Variants in CCDC174 observed in about 807,000 individuals in gnomAD.
CCDC174 encodes coiled-coil domain containing 174.
Under a neutral mutation model 57.1 loss-of-function variants are expected in CCDC174, and 37 were observed. The ratio of observed to expected loss-of-function variants is 0.65; its 90% confidence interval spans 0.50 to 0.85. CCDC174 has a LOEUF of 0.85. Among genes scored for constraint, CCDC174 ranks in the 40% least tolerant of loss-of-function variants. The pLI, the probability that CCDC174 is intolerant of heterozygous loss-of-function variation, is 0.00. For missense variants in CCDC174, 540 were observed against 574.3 expected (o/e 0.94, Z 0.61); for synonymous variants, 182 against 190.2 (o/e 0.96, Z 0.35).
chr3:14,656,892 A>G lies in CCDC174; in HGVS notation c.248+1263A>G, dbSNP rs1201651274. Among the ~76,000 whole-genome samples, 3 of 152,314 alleles carry G rather than the reference A, an allele frequency of 2.0e-5. 1 individual carries two copies. In the East Asian group the frequency reaches 5.8e-4, roughly 29 times the overall value. ...CATGTGCTTTTGGATATATGGAATA[A>G]TAAAATTCTGTGGTCCCAAACAGTA... is the stretch of plus-strand genomic sequence containing the variant. On this transcript the variant is annotated intron_variant, in intron 3 of 10. Coordinates refer to ENST00000383794, the MANE Select transcript of CCDC174 (RefSeq NM_016474.5).
At chr3:14,664,959 C>G (rs2031266987) in intron 5 of CCDC174, 69 bp from the exon 6 acceptor site, 2 of 1,124,524 alleles carry the variant, frequency 1.8e-6, no homozygotes, top group Non-Finnish European at 2.7e-6. Flanking sequence ...CACTGTTCAC[C>G]TACTCCCTGA....
chr3:14,666,138 A>G (rs2031331328), intron 6 of CCDC174, among the ~76,000 whole-genome samples: 1 of 151,756 alleles, frequency 6.6e-6, no homozygotes, highest in Non-Finnish European at 1.5e-5. Flanking sequence ...CACTCAGGCC[A>G]CAGTGCTAAG....
chr3:14,655,265 C>A (rs190775599), intron 2 of CCDC174, among the ~76,000 whole-genome samples: 2 of 151,612 alleles, frequency 1.3e-5, no homozygotes, highest in Non-Finnish European at 2.9e-5. Flanking sequence ...GAGCTGAGAT[C>A]GCACCACCAC....
In CCDC174 at chr3:14,670,936, C is replaced by G; in HGVS notation, c.1146C>G (p.Leu382=). The G allele has an allele frequency of 6.2e-7, 1 of 1,613,664 alleles. No homozygotes were observed. The highest frequency in any genetic ancestry group is 8.5e-7 in the Non-Finnish European group (1 of 1,179,582). The part of the protein sequence containing the change: ...FGYWSKRQSD[L]RAERDPEFAP... Reference sequence around the variant, plus strand: ...ACTGGTCGAAGAGGCAGTCAGATCTCCGGGCTGAGAGAGATCCTGAGTTTG... The same window carrying G: ...ACTGGTCGAAGAGGCAGTCAGATCTGCGGGCTGAGAGAGATCCTGAGTTTG... The change falls in exon 11 of 11, where the codon CTC becomes CTG. Residue 382 remains leucine, a synonymous_variant. Coordinates refer to ENST00000383794, the MANE Select transcript of CCDC174 (RefSeq NM_016474.5).
At chr3:14,657,889 C>T (rs1363332679) in intron 3 of CCDC174, among the ~76,000 whole-genome samples, 1 of 152,244 alleles carries the variant, frequency 6.6e-6, no homozygotes, top group Non-Finnish European at 1.5e-5. Context: ...TGCCCACTCA[C>T]TCTAACCTGA....
At chr3:14,661,348 T>G (rs2031128244) in intron 4 of CCDC174, among the ~76,000 whole-genome samples, 182 bp from the exon 5 acceptor site, 1 of 151,254 alleles carries the variant, frequency 6.6e-6, no homozygotes, top group African/African-American at 2.4e-5. Context: ...AAGATTTTTT[T>G]GTGTAGTATA....
intron 2 of CCDC174, among the ~76,000 whole-genome samples, chr3:14,655,298 G>A (rs1468513302): frequency 6.6e-6 from 1 of 151,574 alleles, no homozygotes; most frequent in Non-Finnish European, 1.5e-5. Context: ...GTGACAGAGT[G>A]AGATCCTGTC....
At chr3:14,667,970 T>C in intron 8 of CCDC174, 79 bp from the exon 9 acceptor site, 1 of 1,428,688 alleles carries the variant, frequency 7.0e-7, no homozygotes, top group Non-Finnish European at 9.5e-7. Context: ...AGTCTATTTT[T>C]AGAAGAAAAT....
rs778802009 is a variant in CCDC174 at position 14,667,510 on chromosome 3, C to T, written c.811C>T (p.Arg271Cys). The T allele has an allele frequency of 3.1e-6, 5 of 1,612,462 alleles. No homozygotes were observed. The highest frequency in any genetic ancestry group is 2.2e-5 in the South Asian group (2 of 91,038). ...NKQMKTLEML[R>C]EQTTDQRTKR... ...GCAGATGAAAACCTTAGAGATGCTG[C>T]GTGAACAGGTACAGATAAATCCCAA... The change falls in exon 8 of 11, where the codon CGT becomes TGT. Residue 271 changes from arginine (R) to cysteine (C), a missense_variant. Transcript: ENST00000383794.
intron 4 of CCDC174, among the ~76,000 whole-genome samples, chr3:14,660,746 AG>A (rs1428087387): frequency 6.6e-6 from 1 of 152,174 alleles, no homozygotes; most frequent in Non-Finnish European, 1.5e-5. Flanking sequence ...GGTAATAGGG[AG>A]CTTAATGTGG....
In CCDC174 at chr3:14,657,037, T is replaced by C. The variant is rs532913038; in HGVS notation, c.248+1408T>C. On this transcript the variant is annotated intron_variant, in intron 3 of 10. Transcript: ENST00000383794. ...ACAGACCTCAGGCTTTACTTAAAGA[T>C]ATGATCAGTTTTGAGACATTTCCCA... Among the ~76,000 whole-genome samples, 9 of 152,346 alleles carry C rather than the reference T, an allele frequency of 5.9e-5. No individual in the cohort carries two copies. The East Asian group carries it at 1.3e-3, about 23-fold the overall frequency.
chr3:14,659,966 A>G (rs2031075781), intron 4 of CCDC174, among the ~76,000 whole-genome samples: 1 of 152,158 alleles, frequency 6.6e-6, no homozygotes, highest in African/African-American at 2.4e-5. Flanking sequence ...GTACAGTAGG[A>G]GAGAGGCCAG....
intron 7 of CCDC174, 58 bp from the exon 8 acceptor site, chr3:14,667,366 G>C: frequency 7.8e-7 from 1 of 1,277,792 alleles, no homozygotes; most frequent in Non-Finnish European, 1.1e-6. Flanking sequence ...AATGTGGCTT[G>C]AGTGTAGTTG....
chr3:14,652,957 C>G (rs192708088), intron 1 of CCDC174, among the ~76,000 whole-genome samples: 302 of 152,122 alleles, frequency 2.0e-3, no homozygotes, highest in Admixed American at 7.0e-3. Context: ...CTCACTCACT[C>G]TACTTGACTC....
chr3:14,656,706 T>A (rs1171377818), intron 3 of CCDC174, among the ~76,000 whole-genome samples: 3 of 152,244 alleles, frequency 2.0e-5, no homozygotes, highest in Admixed American at 1.3e-4. Context: ...TGCAATGATT[T>A]GTTATCATTG....
At chr3:14,666,638 G>C (rs1170679847) in intron 6 of CCDC174, among the ~76,000 whole-genome samples, 167 bp from the exon 7 acceptor site, 1 of 151,474 alleles carries the variant, frequency 6.6e-6, no homozygotes, top group Non-Finnish European at 1.5e-5. Context: ...AAAAAAAGGC[G>C]AAGGCTGTTT....
At chr3:14,669,131 C>T in intron 9 of CCDC174, among the ~76,000 whole-genome samples, 1 of 152,172 alleles carries the variant, frequency 6.6e-6, no homozygotes, top group Non-Finnish European at 1.5e-5. Context: ...GCCTCTCCAG[C>T]AAGGTGGCCA....
Position 14,671,490 on chromosome 3 carries a change from C to A in CCDC174, c.*296C>A, listed in dbSNP as rs537287515. 2.3e-5 allele frequency: 7 copies of A among 310,476 alleles called. No individual in the cohort carries two copies. Among genetic ancestry groups the A allele is most frequent in the African/African-American group, 1.5e-4 (7 of 46,686 alleles). 19.2% of individuals were successfully genotyped at this position (310,476 alleles called of 1,614,324 possible). On this transcript the variant is annotated 3_prime_UTR_variant, in exon 11 of 11. Transcript: ENST00000383794. The stretch of plus-strand genomic sequence containing the variant: ...CTGAGATGTGCTTATAACCCTGTTT[C>A]ATATCTACTCCCACGACTTACTCAT...
intron 3 of CCDC174, among the ~76,000 whole-genome samples, chr3:14,656,396 C>T (rs572044664): frequency 5.5e-4 from 84 of 152,242 alleles, no homozygotes; most frequent in Non-Finnish European, 1.0e-3. Context: ...ATGCCATTAA[C>T]GTTTTTAAAG....
Sources: allele counts gnomAD v4.1 joint callset (sites outside exome capture counted in the v4.1 genomes callset), GRCh38; gene constraint gnomAD v4.1.1; transcripts MANE v1.5; gene names NCBI Gene and HGNC (gene_info 2026-07-23, HGNC 2026-07-21).